MATN2: variants seen among roughly 807,000 people sequenced by gnomAD.
MATN2 encodes the protein matrilin 2.
Under a neutral mutation model 103.2 loss-of-function variants are expected in MATN2, and 69 were observed. The ratio of observed to expected loss-of-function variants is 0.67; its 90% CI spans 0.55 to 0.82. MATN2 has a LOEUF of 0.82. Among genes scored for constraint, MATN2 ranks in the 40% least tolerant of loss-of-function variants. The probability of loss-of-function intolerance (pLI) is 0.00; values close to 1 mark genes in which losing one functional copy is unlikely to be tolerated. For synonymous variants in MATN2, 429 were observed against 450.2 expected, an observed-to-expected ratio of 0.95 and a Z score of 0.60; for missense variants, 1,023 against 1,211.5, an observed-to-expected ratio of 0.84 and a Z score of 2.31.
Position 97,932,282 on chromosome 8 carries a change from A to G in MATN2, c.712+760A>G, listed in dbSNP as rs185844805. On this transcript the variant is annotated intron_variant, in intron 3 of 18. Coordinates refer to ENST00000254898, the MANE Select transcript of MATN2 (RefSeq NM_002380.5). ...GGAATGGAAGGGCAGAAAAAGTAAC[A>G]TAATCTCTCCTTGGATGGTGTGGAA... Among the ~76,000 whole-genome samples, 335 of 152,294 alleles carry G rather than the reference A, an allele frequency of 2.2e-3. 2 individuals are homozygous for G. Among genetic ancestry groups the G allele is most frequent in the Non-Finnish European group, 3.7e-3 (250 of 68,026 alleles).
At chr8:97,918,280 A>G (rs1157550569) in intron 2 of MATN2, among the ~76,000 whole-genome samples, 1 of 152,146 alleles carries the variant, frequency 6.6e-6, no homozygotes, top group Non-Finnish European at 1.5e-5. Flanking sequence ...TGACCCCTGC[A>G]CTGTGAGCTT....
At chr8:97,876,671 G>A (rs1307827356) in intron 1 of MATN2, among the ~76,000 whole-genome samples, 4 of 152,058 alleles carry the variant, frequency 2.6e-5, no homozygotes, top group African/African-American at 9.7e-5. Context: ...CACTAATCAA[G>A]GAAGCAGCTG....
intron 6 of MATN2, among the ~76,000 whole-genome samples, chr8:97,981,900 C>G (rs931132499): frequency 2.0e-5 from 3 of 152,090 alleles, no homozygotes; most frequent in Non-Finnish European, 4.4e-5. Flanking sequence ...GATACCGCAG[C>G]ATAGTGGGAC....
At chr8:97,902,094 C>G (rs1367834741) in intron 2 of MATN2, among the ~76,000 whole-genome samples, 1 of 151,830 alleles carries the variant, frequency 6.6e-6, no homozygotes, top group East Asian at 1.9e-4. Context: ...AACTCCTGGG[C>G]TCAAGCAATC....
chr8:98,021,076 T>C (rs1295009857), intron 12 of MATN2, 129 bp from the exon 13 acceptor site: 21 of 833,096 alleles, frequency 2.5e-5, no homozygotes, highest in Non-Finnish European at 3.3e-5. Context: ...AAAGACATTA[T>C]GAAGGAGGTT....
intron 4 of MATN2, among the ~76,000 whole-genome samples, chr8:97,953,756 C>T (rs1481958191): frequency 4.7e-5 from 7 of 149,052 alleles, no homozygotes; most frequent in African/African-American, 1.7e-4. Context: ...CGCCATTGCA[C>T]TCCAGCCTGG....
At chr8:98,008,990 A>G (rs1041632714) in intron 10 of MATN2, among the ~76,000 whole-genome samples, 1 of 152,176 alleles carries the variant, frequency 6.6e-6, no homozygotes, top group African/African-American at 2.4e-5. Context: ...TGACCTGACC[A>G]CTTTTAAGTG....
chr8:97,872,578 A>G (rs1296867580), intron 1 of MATN2, among the ~76,000 whole-genome samples: 2 of 152,142 alleles, frequency 1.3e-5, no homozygotes, highest in East Asian at 3.9e-4. Flanking sequence ...TTCCTTTTGT[A>G]GGCTCTTGGG....
intron 1 of MATN2, among the ~76,000 whole-genome samples, chr8:97,878,081 G>T (rs2129940021): frequency 6.6e-6 from 1 of 152,042 alleles, no homozygotes; most frequent in South Asian, 2.1e-4. Flanking sequence ...GAAAAAAAAA[G>T]TTATGGAACA....
chr8:97,985,176 G>A (rs1478273596), intron 6 of MATN2, among the ~76,000 whole-genome samples: 1 of 152,190 alleles, frequency 6.6e-6, no homozygotes, highest in Non-Finnish European at 1.5e-5. Flanking sequence ...CACAGCGGGA[G>A]GTGATGTGGA....
At chr8:97,915,895 T>C (rs1809611655) in intron 2 of MATN2, among the ~76,000 whole-genome samples, 1 of 152,072 alleles carries the variant, frequency 6.6e-6, no homozygotes, top group African/African-American at 2.4e-5. Flanking sequence ...TGTGTGTGTA[T>C]TACAATTTTA....
Position 97,982,744 on chromosome 8 carries a change from C to T in MATN2, c.1081+3736C>T, listed in dbSNP as rs1035870487. Among the ~76,000 whole-genome samples, 9 of 152,078 alleles carry T rather than the reference C, an allele frequency of 5.9e-5. No individual in the cohort carries two copies. Among genetic ancestry groups the T allele is most frequent in the African/African-American group, 2.2e-4 (9 of 41,408 alleles). On this transcript the variant is annotated intron_variant, in intron 6 of 18. Transcript: ENST00000254898. The surrounding 1 kb of genome is among the most constrained non-coding windows in gnomAD (Gnocchi z 4.3). ...CTAGAGCAGCCCATCCAAATCTAGA[C>T]GGGAGAAAGGTGGAAACACACAGGT...
chr8:97,887,104 C>T (rs1818459161), intron 1 of MATN2, among the ~76,000 whole-genome samples: 2 of 152,126 alleles, frequency 1.3e-5, no homozygotes, highest in Admixed American at 1.3e-4. Context: ...GTTGGCCAGG[C>T]TGGTCTCAAA....
intron 3 of MATN2, 144 bp from the exon 4 acceptor site, chr8:97,941,633 A>G (rs1187568985): frequency 2.7e-5 from 22 of 800,600 alleles, no homozygotes; most frequent in Non-Finnish European, 3.9e-5. Context: ...TTGGACTGTG[A>G]GCCCCCTTGA....
intron 6 of MATN2, among the ~76,000 whole-genome samples, chr8:97,983,768 G>A (rs1029986204): frequency 6.6e-6 from 1 of 152,154 alleles, no homozygotes; most frequent in Non-Finnish European, 1.5e-5. Flanking sequence ...ACAGAGTAAG[G>A]CACTGAATGA....
rs1810174051 is a variant in MATN2 at position 97,931,155 on chromosome 8, G to C, written c.345G>C (p.Lys115Asn). The change falls in exon 3 of 19, where the codon AAG becomes AAC. Residue 115 changes from lysine (K) to asparagine (N), a missense_variant. By Grantham distance (94) the Lys-to-Asn change is moderately conservative. Coordinates refer to ENST00000254898, the MANE Select transcript of MATN2 (RefSeq NM_002380.5). The surrounding 1 kb of genome is among the most constrained non-coding windows in gnomAD (Gnocchi z 4.1). Reference protein sequence around the residue: ...VKNEFSLKTFKRKSEVERAVK... With the variant: ...VKNEFSLKTFNRKSEVERAVK... ...ATGAGTTCTCCCTCAAGACCTTCAA[G>C]AGGAAGTCCGAGGTGGAGCGTGCTG... 1.2e-6 allele frequency: 2 copies of C among 1,613,886 alleles called. No homozygotes were observed. The highest frequency in any genetic ancestry group is 2.2e-5 in the East Asian group (1 of 44,876).
At chr8:97,872,174 A>C (rs989440122) in intron 1 of MATN2, among the ~76,000 whole-genome samples, 4 of 152,238 alleles carry the variant, frequency 2.6e-5, no homozygotes, top group African/African-American at 9.6e-5. Context: ...GGTTGTTGTA[A>C]GGGTTAAATG....
Position 98,033,749 on chromosome 8 carries a change from T to G in MATN2, c.2815+90T>G, listed in dbSNP as rs1227738958. On this transcript the variant is annotated intron_variant, in intron 18 of 18. Coordinates refer to ENST00000254898, the MANE Select transcript of MATN2 (RefSeq NM_002380.5). ...TCTATGTAGGTTTTATCAACTGAAG[T>G]AAATCCCACGAAGTCACAAAGAACA... 3 of 911,082 alleles carry G rather than the reference T, an allele frequency of 3.3e-6. No individual in the cohort carries two copies. The South Asian group carries it at 4.5e-5, about 14-fold the overall frequency. The allele number at this position is 911,082 out of a possible 1,614,324, so 56.4% of individuals were successfully genotyped here. A position where few individuals can be genotyped will look rare whatever the true frequency, so the allele number is the denominator to read the frequency against.
intron 2 of MATN2, among the ~76,000 whole-genome samples, chr8:97,900,922 G>A (rs567315284): frequency 3.9e-5 from 6 of 152,048 alleles, no homozygotes; most frequent in Middle Eastern, 3.2e-3. Flanking sequence ...GCAACAGAGC[G>A]AGACTCTGTC....
Sources: allele counts gnomAD v4.1 joint callset (sites outside exome capture counted in the v4.1 genomes callset), GRCh38; gene constraint gnomAD v4.1.1; non-coding constraint Gnocchi (gnomAD v3.1); transcripts MANE v1.5; gene names NCBI Gene and HGNC (gene_info 2026-07-23, HGNC 2026-07-21).